Variants in EGF observed in about 807,000 individuals in gnomAD.
The protein encoded by EGF is pro-epidermal growth factor.
In EGF, 95 loss-of-function variants were observed where a neutral mutation model predicts 143.8. The observed-to-expected ratio is 0.66, with a 90% confidence interval of 0.56 to 0.78. EGF has a LOEUF of 0.78. EGF is among the 30% of genes least tolerant of loss of function. The pLI is 0.00. For synonymous variants in EGF, 510 were observed against 510.5 expected, an observed-to-expected ratio of 1.00 and a Z score of 0.01; for missense variants, 1,320 against 1,470.9, an observed-to-expected ratio of 0.90 and a Z score of 1.68.
chr4:109,994,161 A>G (rs1407176607), intron 19 of EGF, among the ~76,000 whole-genome samples: 1 of 152,192 alleles, frequency 6.6e-6, no homozygotes, highest in Non-Finnish European at 1.5e-5. Flanking sequence ...ATTCAATAAA[A>G]GAGACTTTAC....
intron 5 of EGF, among the ~76,000 whole-genome samples, chr4:109,951,283 A>G (rs1560678733): frequency 6.6e-6 from 1 of 152,264 alleles, no homozygotes; most frequent in East Asian, 1.9e-4. Context: ...ACTTGAACTC[A>G]AGGGGCAGAG....
intron 5 of EGF, among the ~76,000 whole-genome samples, chr4:109,953,736 C>A (rs1036460861): frequency 6.6e-6 from 1 of 152,110 alleles, no homozygotes; most frequent in Non-Finnish European, 1.5e-5. Flanking sequence ...GTCTTGCAGC[C>A]GTTGACACTG....
chr4:109,913,348 CTT>C lies in EGF; in HGVS notation c.14_15del (p.Leu5HisfsTer11). The C allele has an allele frequency of 6.2e-7, 1 of 1,613,906 alleles. No individual in the cohort carries two copies. ...ACTCATCAAGATTATGCTGCTCACT[CTT>C]ATCATTCTGTTGCCAGTAGTTTCAA... MLLT[L>X]IILLPVVSKF... On this transcript the variant is annotated frameshift_variant, in exon 1 of 24. Transcript: ENST00000265171. LOFTEE classifies it high-confidence loss of function.
chr4:109,930,070 C>T (rs1739418867), intron 1 of EGF, among the ~76,000 whole-genome samples: 1 of 152,150 alleles, frequency 6.6e-6, no homozygotes, highest in Admixed American at 6.5e-5. Context: ...TCGCTCCTGC[C>T]GCATGTGGAG....
chr4:109,994,074 CT>C (rs554862821), intron 19 of EGF, among the ~76,000 whole-genome samples: 12 of 150,592 alleles, frequency 8.0e-5, no homozygotes, highest in African/African-American at 2.9e-4. Context: ...ATAATTTGCT[CT>C]TCTTAAAGGT....
At chr4:109,962,412 G>A (rs1189595436) in intron 8 of EGF, among the ~76,000 whole-genome samples, 1 of 152,200 alleles carries the variant, frequency 6.6e-6, no homozygotes, top group Non-Finnish European at 1.5e-5. Context: ...TATCTTCATA[G>A]AGACTTAAGT....
chr4:109,996,774 C>G (rs1236197319), intron 20 of EGF, among the ~76,000 whole-genome samples: 1 of 152,166 alleles, frequency 6.6e-6, no homozygotes, highest in African/African-American at 2.4e-5. Context: ...TTGGGAGTCT[C>G]CATGCCCAAG....
Position 109,980,137 on chromosome 4 carries a change from C to G in EGF, c.2219C>G (p.Pro740Arg). 7 of 1,605,390 alleles carry G rather than the reference C, an allele frequency of 4.4e-6. No individual in the cohort carries two copies. The highest frequency in any genetic ancestry group is 5.1e-6 in the Non-Finnish European group (6 of 1,175,484). ...GTTGTGGTTCATCCATTGGCAAAAC[C>G]AGGTACATACTGGAGATGTTACACA... The part of the protein sequence containing the change: ...SLVVVHPLAK[P>R]GADPCLYQNG... Residue 740 changes from proline to arginine, a missense_variant and splice_region_variant, in exon 14 of 24, where the codon CCA becomes CGA. By Grantham distance (103) the Pro-to-Arg change is moderately radical (BLOSUM62 -2). This residue lies in a region of EGF where 1,186 missense variants were observed against 1,313.7 expected (regional missense o/e 0.90). Transcript: ENST00000265171.
chr4:109,937,144 C>T (rs28888150), intron 1 of EGF, among the ~76,000 whole-genome samples: 2,677 of 151,746 alleles, frequency 0.018, 87 homozygotes, highest in African/African-American at 0.061. Flanking sequence ...TTATTGTCTC[C>T]CACTTTTATT....
In EGF at chr4:109,994,880, A is replaced by G. The variant is rs144966505; in HGVS notation, c.3005A>G (p.Asn1002Ser). The change falls in exon 20 of 24, where the codon AAC becomes AGC. Residue 1002 changes from asparagine to serine, a missense_variant and splice_region_variant. Physicochemically the swap from Asn to Ser is conservative, Grantham distance 46. Coordinates refer to ENST00000265171, the MANE Select transcript of EGF (RefSeq NM_001963.6). Reference sequence around the variant, plus strand: ...GAAGCATTGGACAAGTATGCATGCAAGTAAGTTAAACTGTCTTGCTGATGG... The same window carrying G: ...GAAGCATTGGACAAGTATGCATGCAGGTAAGTTAAACTGTCTTGCTGATGG... ...YIEALDKYAC[N>S]CVVGYIGERC... 5.6e-6 allele frequency: 9 copies of G among 1,614,132 alleles called. No homozygotes were observed. Among genetic ancestry groups the G allele is most frequent in the African/African-American group, 1.3e-5 (1 of 75,060 alleles).
chr4:109,956,884 T>C (rs1744875659), intron 5 of EGF, among the ~76,000 whole-genome samples: 1 of 152,202 alleles, frequency 6.6e-6, no homozygotes. Context: ...AAGTAATTAT[T>C]TGTAACTAAG....
chr4:109,996,765 T>TG (rs1014392587), intron 20 of EGF, among the ~76,000 whole-genome samples: 5 of 152,150 alleles, frequency 3.3e-5, no homozygotes, highest in African/African-American at 1.2e-4. Context: ...AAGTGAGAGT[T>TG]GGGAGTCTCC....
intron 1 of EGF, among the ~76,000 whole-genome samples, chr4:109,920,374 G>A (rs1737550557): frequency 6.6e-6 from 1 of 151,616 alleles, no homozygotes; most frequent in African/African-American, 2.4e-5. Flanking sequence ...GACTGCATTG[G>A]AGAGCGTTTT....
intron 3 of EGF, 126 bp from the exon 4 acceptor site, chr4:109,943,716 T>C: frequency 1.2e-6 from 1 of 868,760 alleles, no homozygotes. Context: ...TGTTTACTTG[T>C]TGAATAAATT....
chr4:109,976,070 G>A lies in EGF; in HGVS notation c.1888G>A (p.Gly630Ser). The A allele has an allele frequency of 1.9e-6, 3 of 1,614,034 alleles. No homozygotes were observed. In the East Asian group the frequency reaches 6.7e-5, roughly 36 times the overall value. ...ACGAATTGAAAGTTCTTCCCTCCAAGGCCTTGGCCGTCTGGTTATAGCCAG... is the reference window on the plus strand; with the variant it reads ...ACGAATTGAAAGTTCTTCCCTCCAAAGCCTTGGCCGTCTGGTTATAGCCAG... Reference protein sequence around the residue: ...NPRIESSSLQGLGRLVIASSD... With the variant: ...NPRIESSSLQSLGRLVIASSD... Residue 630 changes from glycine (G) to serine (S), a missense_variant, in exon 13 of 24, where the codon GGC (glycine) becomes AGC (serine). Transcript: ENST00000265171.
chr4:109,976,569 T>C (rs1406148702), intron 13 of EGF, among the ~76,000 whole-genome samples: 1 of 152,232 alleles, frequency 6.6e-6, no homozygotes, highest in African/African-American at 2.4e-5. Flanking sequence ...AGTGATATTA[T>C]AGGCAATTTT....
rs11568848 is a variant in EGF, at chr4:109,913,234, G to A, written c.-102G>A. 2,118 of 1,496,942 alleles carry A rather than the reference G, an allele frequency of 1.4e-3. 4 individuals carry two copies. The highest frequency in any genetic ancestry group is 2.6e-3 in the Middle Eastern group (15 of 5,812). The allele number at this position is 1,496,942 out of a possible 1,614,324, so 92.7% of individuals were successfully genotyped here. On this transcript the variant is annotated 5_prime_UTR_variant, in exon 1 of 24. Coordinates refer to ENST00000265171, the MANE Select transcript of EGF (RefSeq NM_001963.6). ...AAGATGCCCCAGGGCTGAGGCCTCC[G>A]CTCAGGCAGCCGCATCTGGGGTCAA...
chr4:109,964,682 G>A, intron 10 of EGF, 145 bp downstream of exon 10: 1 of 1,233,818 alleles, frequency 8.1e-7, no homozygotes, highest in Non-Finnish European at 1.1e-6. Flanking sequence ...ATAGATATTG[G>A]AGTAACACTT....
intron 1 of EGF, among the ~76,000 whole-genome samples, chr4:109,921,395 A>T (rs1275510118): frequency 6.6e-6 from 1 of 151,204 alleles, no homozygotes; most frequent in Non-Finnish European, 1.5e-5. Flanking sequence ...TGATTCTCCC[A>T]AGTTGACCAA....
Sources: gnomAD v4.1 joint callset for allele counts (sites outside exome capture counted in the v4.1 genomes callset) on GRCh38, gnomAD v4.1.1 for gene constraint, gnomAD v4.1.1 regional missense constraint, MANE v1.5 for transcripts, NCBI Gene and HGNC (gene_info 2026-07-23, HGNC 2026-07-21) for gene names.